PDZRN3: variants seen among roughly 807,000 people sequenced by gnomAD.
PDZRN3 encodes PDZ domain containing ring finger 3.
In PDZRN3, 38 loss-of-function variants were observed where a neutral mutation model predicts 85.7. The ratio of observed to expected loss-of-function variants is 0.44; its 90% CI spans 0.34 to 0.58. The LOEUF is 0.58. PDZRN3 is among the 20% of genes least tolerant of loss of function. PDZRN3 has a pLI of 0.01. For synonymous variants in PDZRN3, 759 were observed against 638.0 expected (o/e 1.19, Z -2.86); for missense variants, 1,629 against 1,506.4 (o/e 1.08, Z -1.35).
intron 3 of PDZRN3, among the ~76,000 whole-genome samples, chr3:73,456,257 C>G (rs1343274614): frequency 6.6e-6 from 1 of 152,082 alleles, no homozygotes. Flanking sequence ...GAAACCCTCC[C>G]TTCTGTGGAA....
At chr3:73,479,094 T>G (rs985221813) in intron 3 of PDZRN3, among the ~76,000 whole-genome samples, 1 of 152,188 alleles carries the variant, frequency 6.6e-6, no homozygotes, top group Non-Finnish European at 1.5e-5. Context: ...CTGAATCCTG[T>G]TCTACCTTCA....
intron 3 of PDZRN3, among the ~76,000 whole-genome samples, chr3:73,550,998 G>A (rs959150415): frequency 2.0e-5 from 3 of 152,178 alleles, no homozygotes; most frequent in Non-Finnish European, 4.4e-5. Context: ...GCAGAATAAC[G>A]CTGGATGCTT....
At chr3:73,484,162 G>A (rs1337181826) in intron 3 of PDZRN3, among the ~76,000 whole-genome samples, 1 of 152,142 alleles carries the variant, frequency 6.6e-6, no homozygotes, top group Non-Finnish European at 1.5e-5. Flanking sequence ...TGTGTGAGAA[G>A]CAGAGTCTAA....
At chr3:73,516,456 C>G (rs1289107822) in intron 3 of PDZRN3, among the ~76,000 whole-genome samples, 3 of 152,140 alleles carry the variant, frequency 2.0e-5, no homozygotes, top group East Asian at 3.9e-4. Flanking sequence ...AGTTGAGTAC[C>G]TTTTCACATG....
intron 3 of PDZRN3, among the ~76,000 whole-genome samples, chr3:73,555,280 A>G (rs1701668299): frequency 6.6e-6 from 1 of 152,208 alleles, no homozygotes; most frequent in Non-Finnish European, 1.5e-5. Flanking sequence ...GGGACGAGGA[A>G]GAAAATTTGA....
chr3:73,388,083 A>ACACC lies in PDZRN3; in HGVS notation c.1417-15_1417-14insGGTG. The ACACC allele has an allele frequency of 1.1e-6, 1 of 908,176 alleles. No individual in the cohort carries two copies. The highest frequency in any genetic ancestry group is 1.7e-6 in the Non-Finnish European group (1 of 588,936). 56.3% of individuals were successfully genotyped at this position (908,176 alleles called of 1,614,324 possible). ...TATCCCATTAATCTTTTAAAAAAAA[A>ACACC]GGGGGGGTGGGGAGAGTGGGGAGAC... is the stretch of plus-strand genomic sequence containing the variant. On this transcript the variant is annotated splice_polypyrimidine_tract_variant and intron_variant, in intron 7 of 9. Transcript: ENST00000263666.
chr3:73,607,197 T>G (rs376367353), intron 2 of PDZRN3, among the ~76,000 whole-genome samples: 4 of 152,264 alleles, frequency 2.6e-5, no homozygotes, highest in African/African-American at 9.6e-5. Flanking sequence ...TGCATTGGAA[T>G]GGCAGGAGAA....
At chr3:73,537,614 T>A (rs865892366) in intron 3 of PDZRN3, among the ~76,000 whole-genome samples, 9 of 149,668 alleles carry the variant, frequency 6.0e-5, no homozygotes, top group Middle Eastern at 3.5e-3. Context: ...TTCTTTTTTT[T>A]AATTAAATTA....
At chr3:73,400,403 G>A (rs867140020) in intron 5 of PDZRN3, among the ~76,000 whole-genome samples, 10 of 152,236 alleles carry the variant, frequency 6.6e-5, no homozygotes, top group African/African-American at 2.4e-4. Flanking sequence ...ATTCCTGTGT[G>A]GCCTCAAATA....
At chr3:73,476,837 A>G (rs1044310659) in intron 3 of PDZRN3, among the ~76,000 whole-genome samples, 1 of 152,172 alleles carries the variant, frequency 6.6e-6, no homozygotes, top group African/African-American at 2.4e-5. Flanking sequence ...GCCGACCCTC[A>G]GCTGAGCCTT....
chr3:73,417,199 G>A (rs560977324), intron 3 of PDZRN3, among the ~76,000 whole-genome samples: 3 of 152,130 alleles, frequency 2.0e-5, no homozygotes, highest in South Asian at 2.1e-4. Flanking sequence ...TAACTCCATC[G>A]TAAGTTAAGG....
chr3:73,529,970 C>T (rs558502134), intron 3 of PDZRN3, among the ~76,000 whole-genome samples: 6 of 152,276 alleles, frequency 3.9e-5, no homozygotes, highest in Non-Finnish European at 5.9e-5. Flanking sequence ...AGAACAGTAC[C>T]GGGCAAGTGT....
intron 5 of PDZRN3, among the ~76,000 whole-genome samples, chr3:73,395,282 A>G (rs200794742): frequency 2.0e-5 from 3 of 152,272 alleles, no homozygotes; most frequent in East Asian, 3.8e-4. Flanking sequence ...CATATTGCTG[A>G]AAGCATAGAA....
intron 3 of PDZRN3, among the ~76,000 whole-genome samples, chr3:73,437,608 C>G (rs184517599): frequency 6.6e-6 from 1 of 152,060 alleles, no homozygotes; most frequent in Non-Finnish European, 1.5e-5. Context: ...AATACAAATT[C>G]GACTCATGGT....
chr3:73,601,718 G>A (rs1702517900), intron 3 of PDZRN3, among the ~76,000 whole-genome samples: 1 of 152,068 alleles, frequency 6.6e-6, no homozygotes, highest in South Asian at 2.1e-4. Context: ...TGTCTGGTGG[G>A]GCTGAGAGAT....
At chr3:73,405,988 G>T (rs1000864714) in intron 3 of PDZRN3, among the ~76,000 whole-genome samples, 1 of 152,196 alleles carries the variant, frequency 6.6e-6, no homozygotes, top group African/African-American at 2.4e-5. Flanking sequence ...AATAGATGTT[G>T]AATTCTTTCC....
intron 3 of PDZRN3, chr3:73,594,131 T>TA (rs997101863): frequency 6.6e-6 from 1 of 152,088 alleles, no homozygotes; most frequent in African/African-American, 2.4e-5. Context: ...GTAATAAATA[T>TA]AACAAAGCCC....
At chr3:73,584,409 G>A (rs1380927758) in intron 3 of PDZRN3, among the ~76,000 whole-genome samples, 2 of 148,154 alleles carry the variant, frequency 1.3e-5, no homozygotes, top group African/African-American at 4.9e-5. Flanking sequence ...GTCCAACTAA[G>A]TGGCTACATT....
At chr3:73,530,911 T>C (rs989359019) in intron 3 of PDZRN3, among the ~76,000 whole-genome samples, 1 of 152,130 alleles carries the variant, frequency 6.6e-6, no homozygotes, top group Non-Finnish European at 1.5e-5. Context: ...ACCAGATAAA[T>C]GGAAAAGGTT....
Sources: gnomAD v4.1 joint callset for allele counts (sites outside exome capture counted in the v4.1 genomes callset) on GRCh38, gnomAD v4.1.1 for gene constraint, MANE v1.5 for transcripts, NCBI Gene and HGNC (gene_info 2026-07-23, HGNC 2026-07-21) for gene names.